Variants in WDFY3 observed in about 807,000 individuals in gnomAD.
WDFY3 encodes the protein WD repeat and FYVE domain containing 3, also known as WD repeat and FYVE domain-containing protein 3.
Under a neutral mutation model 409.6 loss-of-function variants are expected in WDFY3, and 66 were observed. That is an observed-to-expected ratio of 0.16 (90% confidence interval 0.13 to 0.20). The LOEUF is 0.20. WDFY3 is among the 10% of genes least tolerant of loss of function. The pLI is 1.00. For synonymous variants in WDFY3, 1,521 were observed against 1,537.1 expected (o/e 0.99, Z 0.25); for missense variants, 3,031 against 4,298.1 (o/e 0.71, Z 8.24).
intron 4 of WDFY3, among the ~76,000 whole-genome samples, chr4:84,858,222 C>A (rs766064522): frequency 1.3e-5 from 2 of 152,266 alleles, no homozygotes; most frequent in African/African-American, 2.4e-5. Flanking sequence ...ACCCTCACGA[C>A]AACCCAATAA....
chr4:84,804,680 C>A (rs1436471514), intron 15 of WDFY3, among the ~76,000 whole-genome samples: 1 of 152,018 alleles, frequency 6.6e-6, no homozygotes, highest in Non-Finnish European at 1.5e-5. Context: ...TCCCTTTATT[C>A]TTTTAAATAT....
chr4:84,774,191 C>A (rs1745168759), intron 29 of WDFY3, among the ~76,000 whole-genome samples: 1 of 152,138 alleles, frequency 6.6e-6, no homozygotes, highest in African/African-American at 2.4e-5. Flanking sequence ...CCAGTTTAAG[C>A]AATTCTCTAC....
chr4:84,941,868 A>C (rs1171715690), intron 1 of WDFY3, among the ~76,000 whole-genome samples: 2 of 152,110 alleles, frequency 1.3e-5, no homozygotes, highest in Non-Finnish European at 2.9e-5. Flanking sequence ...AGATACACAC[A>C]AACATGGTCA....
At chr4:84,892,448 C>T (rs1237014881) in intron 3 of WDFY3, among the ~76,000 whole-genome samples, 1 of 151,900 alleles carries the variant, frequency 6.6e-6, no homozygotes, top group Non-Finnish European at 1.5e-5. Flanking sequence ...TAAAAAGTAA[C>T]CATCATTTTG....
At chr4:84,896,747 T>A (rs1765691952) in intron 3 of WDFY3, among the ~76,000 whole-genome samples, 164 bp downstream of exon 3, 1 of 152,246 alleles carries the variant, frequency 6.6e-6, no homozygotes, top group South Asian at 2.1e-4. Flanking sequence ...TTCTATTTCC[T>A]AAATATGATA....
At chr4:84,721,862 A>AACAAC (rs1734908733) in intron 46 of WDFY3, among the ~76,000 whole-genome samples, 1 of 150,852 alleles carries the variant, frequency 6.6e-6, no homozygotes, top group Non-Finnish European at 1.5e-5. Context: ...ACAACAACAA[A>AACAAC]AAACATGGTA....
Position 84,787,687 on chromosome 4 carries a change from C to A in WDFY3, c.3696G>T (p.Gly1232=). Residue 1232 remains glycine (G), a synonymous_variant, in exon 23 of 68, where the codon GGG becomes GGT. Coordinates refer to ENST00000295888, the MANE Select transcript of WDFY3 (RefSeq NM_014991.6). ...VKLHYVHSTP[G]GSGSANPPVV... ...CTGGTGGATTTGCCGAACCTGAACC[C>A]CCTGGAGTACTGTGGACATAATGAA... 6.2e-7 allele frequency: 1 copy of A among 1,613,782 alleles called. No individual in the cohort carries two copies. Among genetic ancestry groups the A allele is most frequent in the Non-Finnish European group, 8.5e-7 (1 of 1,179,762 alleles).
chr4:84,673,309 G>C (rs897316391), intron 67 of WDFY3, among the ~76,000 whole-genome samples: 5 of 152,130 alleles, frequency 3.3e-5, no homozygotes, highest in Admixed American at 6.6e-5. Flanking sequence ...TTCTACCTGT[G>C]TAGACTAATT....
rs1755770851 is a variant in WDFY3, at chr4:84,831,749, C to G, written c.577-144G>C. 7.5e-6 allele frequency: 5 copies of G among 664,826 alleles called. No homozygotes were observed. In the Admixed American group the frequency reaches 1.2e-4, roughly 16 times the overall value. 41.2% of individuals were successfully genotyped at this position (664,826 alleles called of 1,614,324 possible). ...AGGTATATGAAAAAATGCTCAACAT[C>G]ACTAATCATCAGGGAAATGAAAATT... is the stretch of plus-strand genomic sequence containing the variant. On this transcript the variant is annotated intron_variant, in intron 7 of 67. Transcript: ENST00000295888.
intron 3 of WDFY3, among the ~76,000 whole-genome samples, chr4:84,895,145 G>A (rs1054601043): frequency 6.6e-6 from 1 of 152,046 alleles, no homozygotes; most frequent in African/African-American, 2.4e-5. Context: ...AATTGTATAT[G>A]TTAACATTTA....
chr4:84,760,599 G>A (rs577833705), intron 32 of WDFY3, among the ~76,000 whole-genome samples: 9 of 152,304 alleles, frequency 5.9e-5, no homozygotes, highest in Admixed American at 3.9e-4. Context: ...TGTAGAGGTT[G>A]TTTGTAGTAT....
chr4:84,959,199 G>A (rs368896980), intron 1 of WDFY3, among the ~76,000 whole-genome samples: 1 of 152,096 alleles, frequency 6.6e-6, no homozygotes, highest in East Asian at 1.9e-4. Context: ...TGTGACTGGA[G>A]AAGCTGGAGC....
At chr4:84,872,423 C>G (rs1266009680) in intron 3 of WDFY3, among the ~76,000 whole-genome samples, 2 of 151,482 alleles carry the variant, frequency 1.3e-5, no homozygotes, top group East Asian at 3.9e-4. Context: ...CGAGATTGCC[C>G]CACTGCACTC....
intron 51 of WDFY3, among the ~76,000 whole-genome samples, chr4:84,711,051 C>T (rs1396975458): frequency 6.6e-6 from 1 of 152,170 alleles, no homozygotes; most frequent in East Asian, 1.9e-4. Context: ...TTACAAATTA[C>T]AGAATCTCTA....
chr4:84,695,299 T>C (rs1404477386), intron 58 of WDFY3, among the ~76,000 whole-genome samples: 2 of 152,132 alleles, frequency 1.3e-5, no homozygotes, highest in East Asian at 1.9e-4. Context: ...AGGGCAGCTA[T>C]TGCGTGTCCT....
rs575154767 is a variant in WDFY3 at position 84,788,118 on chromosome 4, A to C, written c.3670-405T>G. 3.3e-5 allele frequency among the ~76,000 whole-genome samples: 5 copies of C among 152,322 alleles called. No individual in the cohort carries two copies. The South Asian group carries it at 1.0e-3, about 32-fold the overall frequency. ...CCTTCAATGTGAGTCTGTTAACTAA[A>C]ATTACTGATGAAAAGCGTTTTATAG... is the stretch of plus-strand genomic sequence containing the variant. On this transcript the variant is annotated intron_variant, in intron 22 of 67. Coordinates refer to ENST00000295888, the MANE Select transcript of WDFY3 (RefSeq NM_014991.6).
intron 13 of WDFY3, among the ~76,000 whole-genome samples, chr4:84,815,913 G>C (rs1753228765): frequency 1.3e-5 from 2 of 152,204 alleles, no homozygotes; most frequent in South Asian, 4.1e-4. Context: ...ACTATCTTTA[G>C]TATCCAGTGA....
intron 55 of WDFY3, among the ~76,000 whole-genome samples, chr4:84,703,796 C>G (rs1731477609): frequency 6.6e-6 from 1 of 152,184 alleles, no homozygotes; most frequent in Admixed American, 6.6e-5. Context: ...GGACCTATAT[C>G]TTTCTGATAG....
At chr4:84,916,308 T>C (rs1053267400) in intron 2 of WDFY3, among the ~76,000 whole-genome samples, 4 of 152,110 alleles carry the variant, frequency 2.6e-5, no homozygotes, top group African/African-American at 9.7e-5. Flanking sequence ...ATTATACTAG[T>C]CCTCTCTATC....
Sources: gnomAD v4.1 joint callset for allele counts (sites outside exome capture counted in the v4.1 genomes callset) on GRCh38, gnomAD v4.1.1 for gene constraint, MANE v1.5 for transcripts, NCBI Gene and HGNC (gene_info 2026-07-23, HGNC 2026-07-21) for gene names.